CHI3L2: variants seen among roughly 807,000 people sequenced by gnomAD.
The protein encoded by CHI3L2 is chitinase-3-like protein 2.
Under a neutral mutation model 47.3 loss-of-function variants are expected in CHI3L2, and 47 were observed. The observed-to-expected ratio is 0.99, with a 90% CI of 0.79 to 1.27. The LOEUF is 1.27. CHI3L2 is among the 50% of genes most tolerant of loss of function. CHI3L2 has a pLI of 0.00. For missense variants in CHI3L2, 497 were observed against 462.1 expected (o/e 1.08, Z -0.69); for synonymous variants, 198 against 169.9 (o/e 1.17, Z -1.28).
chr1:111,236,192 G>T, intron 7 of CHI3L2, 39 bp downstream of exon 7: 1 of 1,607,858 alleles, frequency 6.2e-7, no homozygotes, highest in Non-Finnish European at 8.5e-7. Flanking sequence ...ACTGGCTGTG[G>T]GGGTGGGGCT....
At chr1:111,235,264 C>A (rs1339366248) in intron 5 of CHI3L2, among the ~76,000 whole-genome samples, 1 of 152,204 alleles carries the variant, frequency 6.6e-6, no homozygotes, top group Non-Finnish European at 1.5e-5. Flanking sequence ...AGCCCCCTTG[C>A]ACATTTATTT....
intron 8 of CHI3L2, among the ~76,000 whole-genome samples, chr1:111,239,536 G>T (rs1186668132): frequency 6.6e-6 from 1 of 152,130 alleles, no homozygotes; most frequent in African/African-American, 2.4e-5. Context: ...TGCAGAGGAA[G>T]GGGAACATAT....
At position 111,235,028 on chromosome 1, in the gene CHI3L2, GA is replaced by G; in HGVS notation, c.455del (p.Asn152ThrfsTer7). The G allele has an allele frequency of 6.2e-7, 1 of 1,614,030 alleles. No individual in the cohort carries two copies. Among genetic ancestry groups the G allele is most frequent in the Non-Finnish European group, 8.5e-7 (1 of 1,180,018 alleles). ...AAGCTGGATCTACCCAGATCAGAAA[GA>G]AAACACTCATTTCACTGTGCTGATT... ...DVSWIYPDQK[E>X]NTHFTVLIHE... On this transcript the variant is annotated frameshift_variant, in exon 5 of 11. Transcript: ENST00000369748. LOFTEE classifies it high-confidence loss of function.
rs767003501 is a variant in CHI3L2, at chr1:111,229,892, A to G, written c.70+11A>G. On this transcript the variant is annotated intron_variant, in intron 2 of 10. Coordinates refer to ENST00000369748, the MANE Select transcript of CHI3L2 (RefSeq NM_004000.3). ...TGCTTCTCCAGGGAGGTAAGTAGTC[A>G]ATAAGTCACTACCGCCTGGATCTCC... 6.2e-7 allele frequency: 1 copy of G among 1,613,866 alleles called. No individual in the cohort carries two copies.
chr1:111,238,824 G>A lies in CHI3L2; in HGVS notation c.810G>A (p.Gly270=), dbSNP rs762229305. Residue 270 remains glycine, a synonymous_variant, in exon 8 of 11, where the codon GGG becomes GGA. Coordinates refer to ENST00000369748, the MANE Select transcript of CHI3L2 (RefSeq NM_004000.3). ...TGGTCATGGGCATCCCCACATATGG[G>A]CACTCCTTCACACTGGCCTCTGCAG... The part of the protein sequence containing the change: ...EKVVMGIPTY[G]HSFTLASAET... The A allele has an allele frequency of 6.2e-7, 1 of 1,614,052 alleles. No homozygotes were observed. The highest frequency in any genetic ancestry group is 1.1e-5 in the South Asian group (1 of 91,058).
chr1:111,234,457 G>A (rs1271722227), intron 4 of CHI3L2, among the ~76,000 whole-genome samples: 1 of 152,196 alleles, frequency 6.6e-6, no homozygotes, highest in African/African-American at 2.4e-5. Flanking sequence ...AAGGATGCCA[G>A]AGCGATGAGA....
chr1:111,233,731 C>T lies in CHI3L2; in HGVS notation c.330-1176C>T, dbSNP rs1659795483. 4.6e-5 allele frequency among the ~76,000 whole-genome samples: 7 copies of T among 150,984 alleles called. No homozygotes were observed. In the South Asian group the frequency reaches 1.1e-3, roughly 23 times the overall value. ...TGAGAACGGGCCATGATGACAATGG[C>T]GGTTTTGTGGAATAGAAAGGGGGGA... On this transcript the variant is annotated intron_variant, in intron 4 of 10. Coordinates refer to ENST00000369748, the MANE Select transcript of CHI3L2 (RefSeq NM_004000.3).
Position 111,235,778 on chromosome 1 carries a change from G to A in CHI3L2, c.605+15G>A. On this transcript the variant is annotated intron_variant, in intron 6 of 10. Coordinates refer to ENST00000369748, the MANE Select transcript of CHI3L2 (RefSeq NM_004000.3). ...AAACTGGCAAAGTGAGTACATCAGA[G>A]CAACTTTCCATCCCTCTGCTTCCAA... 2.5e-6 allele frequency: 4 copies of A among 1,610,870 alleles called. No homozygotes were observed. The highest frequency in any genetic ancestry group is 1.1e-5 in the South Asian group (1 of 90,402).
At chr1:111,240,144 T>G (rs1660004790) in intron 8 of CHI3L2, among the ~76,000 whole-genome samples, 1 of 151,664 alleles carries the variant, frequency 6.6e-6, no homozygotes, top group Non-Finnish European at 1.5e-5. Flanking sequence ...AAAAAAAATA[T>G]CATTCTATAT....
chr1:111,232,999 T>C (rs1659770689), intron 4 of CHI3L2, among the ~76,000 whole-genome samples: 1 of 152,190 alleles, frequency 6.6e-6, no homozygotes, highest in African/African-American at 2.4e-5. Flanking sequence ...CAAAATTAAT[T>C]CAAGGCTCTA....
At chr1:111,240,030 A>G (rs1660000780) in intron 8 of CHI3L2, among the ~76,000 whole-genome samples, 1 of 152,366 alleles carries the variant, frequency 6.6e-6, no homozygotes, top group African/African-American at 2.4e-5. Flanking sequence ...TGAATGGTGT[A>G]GAGTGACATG....
Position 111,238,730 on chromosome 1 carries a change from C to G in CHI3L2, c.736-20C>G. On this transcript the variant is annotated intron_variant, in intron 7 of 10. Transcript: ENST00000369748. ...TTTCTTTCCCCACACTCTGAGCCTC[C>G]ATCTCTCTTCCCATTCTAGGAATAT... 1 of 1,612,338 alleles carries G rather than the reference C, an allele frequency of 6.2e-7. No individual in the cohort carries two copies. The highest frequency in any genetic ancestry group is 8.5e-7 in the Non-Finnish European group (1 of 1,178,956).
intron 4 of CHI3L2, among the ~76,000 whole-genome samples, chr1:111,231,648 G>T (rs1659727167): frequency 6.6e-6 from 1 of 152,172 alleles, no homozygotes. Context: ...TCACTTGAGG[G>T]TTTGACTTTG....
At position 111,229,408 on chromosome 1, in the gene CHI3L2, C is replaced by T. The variant is rs939485735; in HGVS notation, c.41-444C>T. Among the ~76,000 whole-genome samples, 17 of 152,244 alleles carry T rather than the reference C, an allele frequency of 1.1e-4. No homozygotes were observed. The East Asian group carries it at 2.7e-3, about 24-fold the overall frequency. ...TCCTATAAAGAAACCACAGGCCGGG[C>T]GCGGTGGCTCACGCCTGTAATCCCA... On this transcript the variant is annotated intron_variant, in intron 1 of 10. Transcript: ENST00000369748.
At chr1:111,230,608 A>G (rs1659686337) in intron 2 of CHI3L2, 134 bp from the exon 3 acceptor site, 4 of 708,832 alleles carry the variant, frequency 5.6e-6, no homozygotes, top group Admixed American at 2.4e-5. Flanking sequence ...CTAAAGGCCC[A>G]GGCTGAATGA....
intron 2 of CHI3L2, 131 bp from the exon 3 acceptor site, chr1:111,230,611 C>A: frequency 4.1e-6 from 3 of 724,038 alleles, no homozygotes; most frequent in Non-Finnish European, 7.0e-6. Context: ...AAGGCCCAGG[C>A]TGAATGACCC....
rs1331044030 is a variant in CHI3L2 at position 111,230,925 on chromosome 1, T to C, written c.254T>C (p.Ile85Thr). 2 of 1,613,928 alleles carry C rather than the reference T, an allele frequency of 1.2e-6. No individual in the cohort carries two copies. The highest frequency in any genetic ancestry group is 1.7e-6 in the Non-Finnish European group (2 of 1,179,990). ...AGTGAAGTGATGCTCTACCAGACCATCAACAGTCTCAAAACCAAGTGAGTA... is the reference window on the plus strand; with the variant it reads ...AGTGAAGTGATGCTCTACCAGACCACCAACAGTCTCAAAACCAAGTGAGTA... ...DKSEVMLYQTINSLKTKNPKL... is the reference protein window; with the variant it reads ...DKSEVMLYQTTNSLKTKNPKL... The change falls in exon 3 of 11, where the codon ATC becomes ACC. Residue 85 changes from isoleucine to threonine, a missense_variant. Physicochemically the swap from Ile to Thr is moderately conservative, Grantham distance 89. Coordinates refer to ENST00000369748, the MANE Select transcript of CHI3L2 (RefSeq NM_004000.3).
chr1:111,238,857 C>T lies in CHI3L2; in HGVS notation c.843C>T (p.Thr281=), dbSNP rs41281392. 5,429 of 1,613,578 alleles carry T rather than the reference C, an allele frequency of 3.4e-3. 17 individuals carry two copies. The highest frequency in any genetic ancestry group is 4.2e-3 in the Non-Finnish European group (4,928 of 1,179,772). Residue 281 remains threonine (T), a synonymous_variant, in exon 8 of 11, where the codon ACC becomes ACT. Coordinates refer to ENST00000369748, the MANE Select transcript of CHI3L2 (RefSeq NM_004000.3). Reference sequence around the variant, plus strand: ...TCACACTGGCCTCTGCAGAAACCACCGTGGGGGCCCCTGCCTCTGGCCCTG... The same window carrying T: ...TCACACTGGCCTCTGCAGAAACCACTGTGGGGGCCCCTGCCTCTGGCCCTG... The part of the protein sequence containing the change: ...HSFTLASAET[T]VGAPASGPGA...
intron 4 of CHI3L2, among the ~76,000 whole-genome samples, chr1:111,234,562 C>T (rs1242943582): frequency 6.6e-6 from 1 of 152,162 alleles, no homozygotes; most frequent in Non-Finnish European, 1.5e-5. Flanking sequence ...TGGAATCGGA[C>T]ACTGCAAAGA....
Sources: allele counts gnomAD v4.1 joint callset (sites outside exome capture counted in the v4.1 genomes callset), GRCh38; gene constraint gnomAD v4.1.1; transcripts MANE v1.5; gene names NCBI Gene and HGNC (gene_info 2026-07-23, HGNC 2026-07-21).